Variants in IGF1R observed in about 807,000 individuals in gnomAD.
IGF1R encodes insulin like growth factor 1 receptor.
In IGF1R, 44 loss-of-function variants were observed where a neutral mutation model predicts 144.6. The ratio of observed to expected loss-of-function variants is 0.30; its 90% CI spans 0.24 to 0.39. The LOEUF (loss-of-function observed/expected upper bound fraction) is 0.39. IGF1R is among the 10% of genes least tolerant of loss of function. The probability of loss-of-function intolerance (pLI) is 1.00; values close to 1 mark genes in which losing one functional copy is unlikely to be tolerated. For synonymous variants in IGF1R, 795 were observed against 722.8 expected, an observed-to-expected ratio of 1.10 and a Z score of -1.60; for missense variants, 1,355 against 1,833.7, an observed-to-expected ratio of 0.74 and a Z score of 4.77.
chr15:98,679,444 G>A (rs138864199), intron 1 of IGF1R, among the ~76,000 whole-genome samples: 1,560 of 152,254 alleles, frequency 0.01, 11 homozygotes, highest in Non-Finnish European at 0.015. Flanking sequence ...TTGGTCAATG[G>A]TGGACCTCGT....
At chr15:98,844,813 A>C (rs1184988346) in intron 2 of IGF1R, among the ~76,000 whole-genome samples, 3 of 152,288 alleles carry the variant, frequency 2.0e-5, no homozygotes, top group Middle Eastern at 3.4e-3. Flanking sequence ...TTCTTCCCTA[A>C]GATTCATTTA....
intron 2 of IGF1R, among the ~76,000 whole-genome samples, chr15:98,731,484 G>T (rs1183970698): frequency 1.3e-5 from 2 of 152,152 alleles, no homozygotes; most frequent in East Asian, 3.8e-4. Context: ...TCCAAAAGAT[G>T]GGTTATGATG....
rs752567548 is a variant in IGF1R, at chr15:98,891,628, G to T, written c.944G>T (p.Gly315Val). 3 of 1,600,846 alleles carry T rather than the reference G, an allele frequency of 1.9e-6. No homozygotes were observed. Among genetic ancestry groups the T allele is most frequent in the South Asian group, 2.2e-5 (2 of 91,076 alleles). ...TGCCCCTCGGGCTTCATCCGCAACG[G>T]CAGCCAGAGGTCAGTCGCGGCCACA... is the stretch of plus-strand genomic sequence containing the variant. Reference protein sequence around the residue: ...QECPSGFIRNGSQSMYCIPCE... With the variant: ...QECPSGFIRNVSQSMYCIPCE... The change falls in exon 3 of 21, where the codon GGC becomes GTC. Residue 315 changes from glycine to valine, a missense_variant. Gly to Val is a moderately radical substitution (Grantham distance 109, BLOSUM62 -3). This residue lies in a region of IGF1R where 880 missense variants were observed against 1,202.7 expected (regional missense o/e 0.73). Coordinates refer to ENST00000650285, the MANE Select transcript of IGF1R (RefSeq NM_000875.5). The surrounding 1 kb of genome is among the most constrained non-coding windows in gnomAD (Gnocchi z 4.7).
intron 2 of IGF1R, among the ~76,000 whole-genome samples, chr15:98,842,592 A>G (rs1421300353): frequency 6.6e-6 from 1 of 152,234 alleles, no homozygotes; most frequent in Admixed American, 6.5e-5. Flanking sequence ...TAGGACAGTC[A>G]TGCAATTATT....
intron 2 of IGF1R, among the ~76,000 whole-genome samples, chr15:98,721,070 T>C (rs555160229): frequency 6.6e-6 from 1 of 152,230 alleles, no homozygotes; most frequent in East Asian, 1.9e-4. Context: ...GCATCTGGGT[T>C]TGGTGTGCAT....
chr15:98,803,381 A>G (rs1326768233), intron 2 of IGF1R, among the ~76,000 whole-genome samples: 2 of 152,202 alleles, frequency 1.3e-5, no homozygotes, highest in Non-Finnish European at 1.5e-5. Flanking sequence ...GGCACTTACT[A>G]GGAGTCAGGC....
chr15:98,936,337 C>A (rs1005014944), intron 17 of IGF1R, among the ~76,000 whole-genome samples: 1 of 152,188 alleles, frequency 6.6e-6, no homozygotes, highest in South Asian at 2.1e-4. Context: ...CGTGGTGTCT[C>A]CCCCCTCTGT....
chr15:98,860,377 G>A (rs1313009193), intron 2 of IGF1R, among the ~76,000 whole-genome samples: 2 of 152,196 alleles, frequency 1.3e-5, no homozygotes, highest in African/African-American at 4.8e-5. Context: ...GTGAAAGCAG[G>A]AGCCAGGCCT....
intron 2 of IGF1R, among the ~76,000 whole-genome samples, chr15:98,783,040 GAGA>G (rs1209480545): frequency 1.3e-5 from 2 of 152,160 alleles, no homozygotes; most frequent in Non-Finnish European, 2.9e-5. Flanking sequence ...TGTGATTTGC[GAGA>G]AGCTCTCTGC....
intron 2 of IGF1R, among the ~76,000 whole-genome samples, chr15:98,791,497 G>A (rs1321359034): frequency 6.6e-6 from 1 of 152,132 alleles, no homozygotes; most frequent in African/African-American, 2.4e-5. Context: ...GTGACTTGTG[G>A]ACTGTGTCAG....
At chr15:98,846,683 G>A (rs2011340658) in intron 2 of IGF1R, among the ~76,000 whole-genome samples, 2 of 152,166 alleles carry the variant, frequency 1.3e-5, no homozygotes, top group Non-Finnish European at 2.9e-5. Flanking sequence ...CAGACTCAGG[G>A]ACCCAGTTCA....
intron 2 of IGF1R, among the ~76,000 whole-genome samples, chr15:98,717,530 G>A (rs774117239): frequency 3.3e-5 from 5 of 152,028 alleles, no homozygotes; most frequent in East Asian, 1.9e-4. Context: ...AATTTGATTC[G>A]TACTGTTCAA....
intron 2 of IGF1R, among the ~76,000 whole-genome samples, chr15:98,823,350 C>CT (rs2056836582): frequency 6.6e-6 from 1 of 152,202 alleles, no homozygotes; most frequent in Admixed American, 6.5e-5. Flanking sequence ...CTGGCAGCTA[C>CT]TTCAAATGCC....
intron 15 of IGF1R, among the ~76,000 whole-genome samples, chr15:98,931,016 C>T (rs992089794): frequency 3.9e-5 from 6 of 152,180 alleles, no homozygotes; most frequent in African/African-American, 1.4e-4. Context: ...TTGCTAGGGG[C>T]TTTTACAAAC....
intron 2 of IGF1R, among the ~76,000 whole-genome samples, chr15:98,856,857 A>G (rs2011847831): frequency 6.6e-6 from 1 of 152,254 alleles, no homozygotes; most frequent in African/African-American, 2.4e-5. Context: ...GAATTTCGAC[A>G]GTAAAGAAAT....
chr15:98,864,184 G>C (rs1029646360), intron 2 of IGF1R, among the ~76,000 whole-genome samples: 2 of 152,184 alleles, frequency 1.3e-5, no homozygotes, highest in Non-Finnish European at 2.9e-5. Context: ...GAGTTCAGGA[G>C]GTCAAAGCTG....
intron 2 of IGF1R, among the ~76,000 whole-genome samples, chr15:98,805,812 C>T (rs906204258): frequency 2.6e-5 from 4 of 152,182 alleles, no homozygotes; most frequent in East Asian, 1.9e-4. Flanking sequence ...ACATTTCTGA[C>T]GCCAAATGTG....
In IGF1R at chr15:98,923,977, C is replaced by A. The variant is rs768971728; in HGVS notation, c.2587C>A (p.Leu863Ile). 1.2e-6 allele frequency: 2 copies of A among 1,614,054 alleles called. No homozygotes were observed. The highest frequency in any genetic ancestry group is 1.1e-5 in the South Asian group (1 of 91,082). ...ACCTGAGAATCCCAATGGATTGATT[C>A]TAATGTATGAAATAAAATACGGATC... ...PEPENPNGLI[L>I]MYEIKYGSQV... Residue 863 changes from leucine (L) to isoleucine (I), a missense_variant, in exon 12 of 21, where the codon CTA becomes ATA. Around this residue, in one of 7 missense-constraint regions of IGF1R, gnomAD observed 880 missense variants for 1,202.7 expected, o/e 0.73. Coordinates refer to ENST00000650285, the MANE Select transcript of IGF1R (RefSeq NM_000875.5).
intron 7 of IGF1R, 132 bp downstream of exon 7, chr15:98,911,573 A>G: frequency 2.6e-6 from 3 of 1,162,744 alleles, no homozygotes; most frequent in Non-Finnish European, 3.8e-6. Context: ...CACGCCAAAC[A>G]TCCCTACTTC....
Sources: gnomAD v4.1 joint callset for allele counts (sites outside exome capture counted in the v4.1 genomes callset) on GRCh38, gnomAD v4.1.1 for gene constraint, gnomAD v4.1.1 regional missense constraint, Gnocchi (gnomAD v3.1) non-coding constraint, MANE v1.5 for transcripts, NCBI Gene and HGNC (gene_info 2026-07-23, HGNC 2026-07-21) for gene names.